BIN3: variants seen among roughly 807,000 people sequenced by gnomAD.
BIN3 encodes bridging integrator 3.
In BIN3, 41 loss-of-function variants were observed where a neutral mutation model predicts 38.2. The ratio of observed to expected loss-of-function variants is 1.07; its 90% CI spans 0.84 to 1.39. The LOEUF is 1.39. BIN3 is among the 40% of genes most tolerant of loss of function. The probability of loss-of-function intolerance (pLI) is 0.00; values close to 1 mark genes in which losing one functional copy is unlikely to be tolerated. For synonymous variants in BIN3, 145 were observed against 122.6 expected, an observed-to-expected ratio of 1.18 and a Z score of -1.21; for missense variants, 361 against 324.3, an observed-to-expected ratio of 1.11 and a Z score of -0.87.
chr8:22,646,613 C>A (rs1007898426), intron 1 of BIN3, among the ~76,000 whole-genome samples: 35 of 152,160 alleles, frequency 2.3e-4, no homozygotes, highest in Admixed American at 2.0e-3. Context: ...GGAGTGTTAA[C>A]CCTTTGGGGG....
chr8:22,638,474 C>T (rs1208025100), intron 2 of BIN3, among the ~76,000 whole-genome samples: 6 of 152,292 alleles, frequency 3.9e-5, no homozygotes, highest in East Asian at 3.9e-4. Context: ...CTATTAAGTG[C>T]GATGCATTCT....
chr8:22,659,658 A>C (rs1460091185), intron 1 of BIN3, among the ~76,000 whole-genome samples: 1 of 152,216 alleles, frequency 6.6e-6, no homozygotes, highest in East Asian at 1.9e-4. Context: ...GAAACAGCGC[A>C]GTAGATCAGG....
intron 1 of BIN3, among the ~76,000 whole-genome samples, chr8:22,645,274 G>A (rs1476479009): frequency 1.3e-5 from 2 of 151,618 alleles, no homozygotes; most frequent in African/African-American, 4.9e-5. Context: ...AGACTAGACT[G>A]GGCAATATAG....
At chr8:22,624,935 C>A (rs575696765) in intron 6 of BIN3, 4 of 245,484 alleles carry the variant, frequency 1.6e-5, no homozygotes, top group African/African-American at 8.7e-5. Flanking sequence ...CCTCACAGTG[C>A]CACTGGCAGG....
chr8:22,631,121 T>TA (rs1319281733), intron 4 of BIN3, among the ~76,000 whole-genome samples: 3 of 151,944 alleles, frequency 2.0e-5, no homozygotes, highest in Admixed American at 6.6e-5. Flanking sequence ...CGACAACACA[T>TA]AAAAAAAGGG....
chr8:22,667,649 G>A (rs1803465029), intron 1 of BIN3, among the ~76,000 whole-genome samples: 2 of 152,182 alleles, frequency 1.3e-5, no homozygotes, highest in Non-Finnish European at 2.9e-5. Context: ...AACAAGACAG[G>A]GAAGGTAGCT....
intron 2 of BIN3, among the ~76,000 whole-genome samples, chr8:22,641,728 T>C (rs1011720647): frequency 1.3e-5 from 2 of 152,198 alleles, no homozygotes; most frequent in African/African-American, 4.8e-5. Context: ...GCCCTAACTT[T>C]GCAGAGCACC....
chr8:22,634,173 G>A (rs1324790161), intron 4 of BIN3, among the ~76,000 whole-genome samples: 2 of 152,230 alleles, frequency 1.3e-5, no homozygotes, highest in Non-Finnish European at 2.9e-5. Context: ...AGGCAGTGGG[G>A]ACCGATCAAG....
intron 8 of BIN3, chr8:22,622,720 T>G (rs998835746): frequency 6.6e-6 from 1 of 152,092 alleles, no homozygotes; most frequent in African/African-American, 2.4e-5. Flanking sequence ...GGAGGGAGGG[T>G]GCAGGGCAGC....
chr8:22,659,995 G>A (rs997607680), intron 1 of BIN3, among the ~76,000 whole-genome samples: 12 of 152,156 alleles, frequency 7.9e-5, no homozygotes, highest in African/African-American at 2.9e-4. Context: ...AGAATGGTTA[G>A]GAAACCTGAA....
chr8:22,634,555 A>T (rs1237903606), intron 4 of BIN3: 1 of 439,480 alleles, frequency 2.3e-6, no homozygotes, highest in Admixed American at 2.5e-5. Context: ...AATTCAAATC[A>T]CTGCCTCTAT....
chr8:22,621,535 C>A lies in BIN3; in HGVS notation c.649G>T (p.Gly217Ter). ...TGGTCAAGCTGATGGGACAGGTCTC[C>A]AAAGATCTTGTGCATTTCCGAGTAG... The part of the protein sequence containing the change: ...VYYSEMHKIF[G>*]DLSHQLDQPG... The change falls in exon 9 of 9, where the codon GGA becomes TGA. Residue 217 changes from glycine to a stop codon, truncating the protein, a stop_gained. Coordinates refer to ENST00000276416, the MANE Select transcript of BIN3 (RefSeq NM_018688.6). LOFTEE classifies it high-confidence loss of function. 6.2e-7 allele frequency: 1 copy of A among 1,613,850 alleles called. No individual in the cohort carries two copies.
chr8:22,664,224 G>C (rs1803339118), intron 1 of BIN3, among the ~76,000 whole-genome samples: 2 of 152,202 alleles, frequency 1.3e-5, no homozygotes, highest in South Asian at 4.1e-4. Flanking sequence ...TAACACCTCT[G>C]ACTAAGTAGC....
chr8:22,639,939 G>A (rs548559534), intron 2 of BIN3, among the ~76,000 whole-genome samples: 2 of 151,878 alleles, frequency 1.3e-5, no homozygotes, highest in South Asian at 2.1e-4. Context: ...TCGGCTCACC[G>A]CAACCTCCGC....
intron 5 of BIN3, 30 bp downstream of exon 5, chr8:22,630,412 C>A (rs1231491535): frequency 6.2e-7 from 1 of 1,612,100 alleles, no homozygotes; most frequent in Non-Finnish European, 8.5e-7. Context: ...AGAAGTCATG[C>A]TTGCCCACCC....
At chr8:22,633,278 T>C (rs570705678) in intron 4 of BIN3, among the ~76,000 whole-genome samples, 1 of 152,156 alleles carries the variant, frequency 6.6e-6, no homozygotes, top group Non-Finnish European at 1.5e-5. Flanking sequence ...GAGACCAGCC[T>C]GGATGACACA....
intron 4 of BIN3, among the ~76,000 whole-genome samples, chr8:22,634,190 G>T (rs1466992278): frequency 2.0e-5 from 3 of 152,236 alleles, no homozygotes; most frequent in Admixed American, 1.3e-4. Flanking sequence ...CAAGAAAAAT[G>T]CGACCCAAGT....
intron 2 of BIN3, among the ~76,000 whole-genome samples, chr8:22,644,245 G>A (rs1021669102): frequency 2.0e-5 from 3 of 152,250 alleles, no homozygotes; most frequent in Admixed American, 1.3e-4. Flanking sequence ...GGGCTTAAAG[G>A]GGGGTGGGAT....
At chr8:22,627,482 G>A (rs553341912) in intron 6 of BIN3, among the ~76,000 whole-genome samples, 1 of 152,286 alleles carries the variant, frequency 6.6e-6, no homozygotes, top group South Asian at 2.1e-4. Context: ...TCAGGCTGCT[G>A]GCAGGGGAGG....
Sources: gnomAD v4.1 joint callset for allele counts (sites outside exome capture counted in the v4.1 genomes callset) on GRCh38, gnomAD v4.1.1 for gene constraint, MANE v1.5 for transcripts, NCBI Gene and HGNC (gene_info 2026-07-23, HGNC 2026-07-21) for gene names.